The following DSG1 variants were observed in gnomAD, a reference collection of about 807,000 sequenced individuals.
DSG1 encodes desmoglein-1.
A neutral mutation model predicts 97.5 loss-of-function variants in DSG1; 39 were observed. The observed-to-expected ratio is 0.40, with a 90% CI of 0.31 to 0.52. The LOEUF is 0.52. Among genes scored for constraint, DSG1 ranks in the 20% least tolerant of loss-of-function variants. The probability of loss-of-function intolerance (pLI) is 0.53; values close to 1 mark genes in which losing one functional copy is unlikely to be tolerated. For synonymous variants in DSG1, 475 were observed against 443.4 expected (o/e 1.07, Z -0.90); for missense variants, 1,311 against 1,295.4 (o/e 1.01, Z -0.18).
Position 31,334,929 on chromosome 18 carries a change from T to C in DSG1, c.1005+727T>C, listed in dbSNP as rs754584526. ...TGTGCTACACAACTTACACAGTCGA[T>C]TTTTAAAATCTACAACAGCTGTTTA... On this transcript the variant is annotated intron_variant, in intron 8 of 14. Transcript: ENST00000257192. 1.4e-4 allele frequency among the ~76,000 whole-genome samples: 22 copies of C among 152,208 alleles called. No individual in the cohort carries two copies. The South Asian group carries it at 1.7e-3, about 12-fold the overall frequency.
chr18:31,346,492 C>T (rs1223077287), intron 14 of DSG1, among the ~76,000 whole-genome samples: 1 of 152,158 alleles, frequency 6.6e-6, no homozygotes, highest in Non-Finnish European at 1.5e-5. Context: ...TGAACCCTCC[C>T]TCTTATCTCC....
intron 3 of DSG1, among the ~76,000 whole-genome samples, chr18:31,327,548 CAG>C (rs2144088610): frequency 6.6e-6 from 1 of 152,248 alleles, no homozygotes; most frequent in South Asian, 2.1e-4. Flanking sequence ...TTCATCCACA[CAG>C]ACACTCACAA....
rs372254735 is a variant in DSG1, at chr18:31,354,365, C to T, written c.2169C>T (p.Ile723=). Residue 723 remains isoleucine (I), a synonymous_variant, in exon 15 of 15, where the codon ATC becomes ATT. Coordinates refer to ENST00000257192, the MANE Select transcript of DSG1 (RefSeq NM_001942.4). ...PSNDCLLIYD[I]EGVGSPAGSV... ...ATGACTGTTTGCTCATATATGACAT[C>T]GAAGGTGTAGGTTCCCCTGCTGGCT... The T allele has an allele frequency of 7.2e-5, 117 of 1,614,170 alleles. No individual in the cohort carries two copies. Among genetic ancestry groups the T allele is most frequent in the African/African-American group, 4.8e-4 (36 of 75,038 alleles).
intron 14 of DSG1, 113 bp downstream of exon 14, chr18:31,346,311 G>T: frequency 1.1e-6 from 1 of 900,886 alleles, no homozygotes. Flanking sequence ...TAGATTCTCA[G>T]CCTTTAGTTT....
At chr18:31,333,795 T>A (rs2071735123) in intron 7 of DSG1, 72 bp downstream of exon 7, 14 of 1,555,220 alleles carry the variant, frequency 9.0e-6, no homozygotes, top group Non-Finnish European at 1.2e-5. Flanking sequence ...CAATTCTGCT[T>A]ACAGAGGCAC....
At chr18:31,347,564 G>A (rs1364513946) in intron 14 of DSG1, 2 of 152,190 alleles carry the variant, frequency 1.3e-5, no homozygotes, top group African/African-American at 4.8e-5. Context: ...TTATATGAAT[G>A]GCACAATGAG....
chr18:31,326,709 A>G (rs747365785), intron 2 of DSG1, 93 bp downstream of exon 2: 196 of 1,341,174 alleles, frequency 1.5e-4, no homozygotes, highest in Non-Finnish European at 2.0e-4. Context: ...TATTCTCATA[A>G]GTCAAGTTCA....
At chr18:31,353,551 G>A (rs539528197) in intron 14 of DSG1, among the ~76,000 whole-genome samples, 2,847 of 152,288 alleles carry the variant, frequency 0.019, 36 homozygotes, top group Middle Eastern at 0.048. Flanking sequence ...GGGCAATGGC[G>A]GGCGCCCCTC....
intron 1 of DSG1, among the ~76,000 whole-genome samples, chr18:31,320,365 C>G (rs7235354): frequency 6.6e-6 from 1 of 151,900 alleles, no homozygotes; most frequent in African/African-American, 2.4e-5. Flanking sequence ...CATTAGGAAG[C>G]GTATTTGTAC....
rs16961693 is a variant in DSG1, at chr18:31,354,752, C to T, written c.2556C>T (p.His852=). ...TTSDTLKPSV[H]VHDNRPASNV... ...CTGACACTCTGAAGCCCTCTGTGCA[C>T]GTTCACGATAACCGACCAGCATCAA... Residue 852 remains histidine, a synonymous_variant, in exon 15 of 15, where the codon CAC becomes CAT. Transcript: ENST00000257192. The T allele has an allele frequency of 7.3e-3, 11,855 of 1,614,080 alleles. 796 individuals carry two copies. In the African/African-American group the frequency reaches 0.14, roughly 19 times the overall value.
chr18:31,324,271 A>G (rs770590492), intron 1 of DSG1, among the ~76,000 whole-genome samples: 1 of 144,446 alleles, frequency 6.9e-6, no homozygotes, highest in Non-Finnish European at 1.5e-5. Flanking sequence ...CGTGAGCCAC[A>G]GCGCCCGGCC....
At position 31,343,569 on chromosome 18, in the gene DSG1, C is replaced by G; in HGVS notation, c.1807C>G (p.Gln603Glu). ...TCATTCATGGGCAGTAGAAGGACCACAGCCTGAACCCAGGGTAAGTGCCAC... is the reference window on the plus strand; with the variant it reads ...TCATTCATGGGCAGTAGAAGGACCAGAGCCTGAACCCAGGGTAAGTGCCAC... ...AIHSWAVEGPQPEPRDITTVI... is the reference protein window; with the variant it reads ...AIHSWAVEGPEPEPRDITTVI... The change falls in exon 12 of 15, where the codon CAG becomes GAG. Residue 603 changes from glutamine (Q) to glutamate (E), a missense_variant. Transcript: ENST00000257192. 1 of 1,614,126 alleles carries G rather than the reference C, an allele frequency of 6.2e-7. No individual in the cohort carries two copies. Among genetic ancestry groups the G allele is most frequent in the African/African-American group, 1.3e-5 (1 of 75,036 alleles).
intron 1 of DSG1, among the ~76,000 whole-genome samples, chr18:31,319,085 C>G (rs1408668020): frequency 1.3e-5 from 2 of 152,284 alleles, no homozygotes; most frequent in East Asian, 3.9e-4. Flanking sequence ...ACTTGATCGT[C>G]TGACGAATGT....
At chr18:31,337,339 C>A (rs943176198) in intron 9 of DSG1, among the ~76,000 whole-genome samples, 1 of 152,154 alleles carries the variant, frequency 6.6e-6, no homozygotes, top group Non-Finnish European at 1.5e-5. Context: ...TCACTGCCAC[C>A]TCTGCCTCCC....
intron 9 of DSG1, among the ~76,000 whole-genome samples, chr18:31,338,109 A>AT (rs896747422): frequency 4.6e-5 from 7 of 151,780 alleles, no homozygotes; most frequent in East Asian, 1.9e-4. Flanking sequence ...GTGCTCAGTA[A>AT]TTTTTTTTTC....
rs370980020 is a variant in DSG1, at chr18:31,347,582, C to T, written c.2100+1384C>T. Reference sequence around the variant, plus strand: ...TATGAATGGCACAATGAGTTGGTTTCCTATAAGGTATTTCTGTTAACCTGA... The same window carrying T: ...TATGAATGGCACAATGAGTTGGTTTTCTATAAGGTATTTCTGTTAACCTGA... On this transcript the variant is annotated intron_variant, in intron 14 of 14. Transcript: ENST00000257192. The T allele has an allele frequency of 2.4e-4, 36 of 152,260 alleles. No individual in the cohort carries two copies. In the East Asian group the frequency reaches 6.7e-3, roughly 29 times the overall value. 9.4% of individuals were successfully genotyped at this position (152,260 alleles called of 1,614,324 possible). A position where few individuals can be genotyped will look rare whatever the true frequency, so the allele number is the denominator to read the frequency against.
chr18:31,334,538 A>G (rs1331879019), intron 8 of DSG1, among the ~76,000 whole-genome samples: 2 of 152,182 alleles, frequency 1.3e-5, no homozygotes, highest in Non-Finnish European at 2.9e-5. Flanking sequence ...TTTTTAAAGC[A>G]TATTTAATAG....
Position 31,346,192 on chromosome 18 carries a change from C to T in DSG1, c.2094C>T (p.Phe698=), listed in dbSNP as rs1401914653. 1 of 1,613,382 alleles carries T rather than the reference C, an allele frequency of 6.2e-7. No individual in the cohort carries two copies. Among genetic ancestry groups the T allele is most frequent in the Admixed American group, 1.7e-5 (1 of 60,010 alleles). Residue 698 remains phenylalanine, a synonymous_variant, in exon 14 of 15, where the codon TTC becomes TTT. Coordinates refer to ENST00000257192, the MANE Select transcript of DSG1 (RefSeq NM_001942.4). The part of the protein sequence containing the change: ...GLNMNFMESY[F]CQKAYAYADE... ...ATATGAATTTCATGGAAAGCTACTT[C>T]TGTCAGGTAAGGTCCCTAGCCACAT...
rs1294766932 is a variant in DSG1, at chr18:31,357,098, C to A, written c.*1752C>A. 6.6e-6 allele frequency: 1 copy of A among 151,970 alleles called. No individual in the cohort carries two copies. The highest frequency in any genetic ancestry group is 1.5e-5 in the Non-Finnish European group (1 of 67,918). 9.4% of individuals were successfully genotyped at this position (151,970 alleles called of 1,614,324 possible). Reference sequence around the variant, plus strand: ...TCAAATTTCCCAGGAAATTACAAAGCCAAAGAATATTCAACTTCCTCCACT... The same window carrying A: ...TCAAATTTCCCAGGAAATTACAAAGACAAAGAATATTCAACTTCCTCCACT... On this transcript the variant is annotated 3_prime_UTR_variant, in exon 15 of 15. Coordinates refer to ENST00000257192, the MANE Select transcript of DSG1 (RefSeq NM_001942.4).
Sources: allele counts gnomAD v4.1 joint callset (sites outside exome capture counted in the v4.1 genomes callset), GRCh38; gene constraint gnomAD v4.1.1; transcripts MANE v1.5; gene names NCBI Gene and HGNC (gene_info 2026-07-23, HGNC 2026-07-21).